Variants in IGFBP7 observed in about 807,000 individuals in gnomAD.
IGFBP7 encodes the protein insulin-like growth factor-binding protein 7.
A neutral mutation model predicts 29.4 loss-of-function variants in IGFBP7; 31 were observed. That is an observed-to-expected ratio of 1.05 (90% CI 0.79 to 1.42). The LOEUF is 1.42. Ranked by LOEUF, IGFBP7 falls within the 40% of genes most tolerant of loss-of-function variation. IGFBP7 has a pLI of 0.00. For missense variants in IGFBP7, 393 were observed against 395.5 expected, an observed-to-expected ratio of 0.99 and a Z score of 0.05; for synonymous variants, 172 against 174.9, an observed-to-expected ratio of 0.98 and a Z score of 0.13.
intron 1 of IGFBP7, among the ~76,000 whole-genome samples, chr4:57,057,358 G>T (rs1173268232): frequency 6.6e-6 from 1 of 152,204 alleles, no homozygotes; most frequent in Admixed American, 6.5e-5. Context: ...CAAGGACTGG[G>T]AGAAACTACA....
intron 1 of IGFBP7, among the ~76,000 whole-genome samples, chr4:57,077,813 A>G (rs1393197082): frequency 2.6e-5 from 4 of 152,138 alleles, no homozygotes; most frequent in Non-Finnish European, 5.9e-5. Context: ...TGGCTAAATG[A>G]CTTAACGGTT....
intron 1 of IGFBP7, chr4:57,073,145 A>G (rs1186907945): frequency 6.3e-7 from 1 of 1,592,138 alleles, no homozygotes; most frequent in Non-Finnish European, 8.6e-7. Context: ...CAGGCTGCCC[A>G]GCCTGTCCTT....
intron 1 of IGFBP7, among the ~76,000 whole-genome samples, chr4:57,076,743 C>G (rs11573050): frequency 0.045 from 6,812 of 152,246 alleles, 482 homozygotes; most frequent in African/African-American, 0.15. Context: ...GAAGCCATGT[C>G]AGAGAATGAG....
At chr4:57,066,041 A>ATAC (rs1426357849) in intron 1 of IGFBP7, among the ~76,000 whole-genome samples, 5 of 152,238 alleles carry the variant, frequency 3.3e-5, no homozygotes, top group Non-Finnish European at 2.9e-5. Context: ...TCACTAGAGT[A>ATAC]TCTGGTTAAG....
chr4:57,082,439 G>T (rs777127898), intron 1 of IGFBP7, among the ~76,000 whole-genome samples: 83 of 152,118 alleles, frequency 5.5e-4, no homozygotes, highest in Non-Finnish European at 1.5e-4. Context: ...TTAGGGAAAG[G>T]TTAATGATGA....
intron 1 of IGFBP7, among the ~76,000 whole-genome samples, chr4:57,096,645 A>G (rs551092538): frequency 2.6e-5 from 4 of 152,250 alleles, no homozygotes; most frequent in Non-Finnish European, 4.4e-5. Flanking sequence ...TGTTCTGCCA[A>G]TTTCACTCAA....
intron 2 of IGFBP7, among the ~76,000 whole-genome samples, chr4:57,035,647 G>A (rs1319838716): frequency 6.6e-6 from 1 of 152,012 alleles, no homozygotes; most frequent in African/African-American, 2.4e-5. Flanking sequence ...TTTTAGTAGA[G>A]ACGGGGTTTT....
intron 1 of IGFBP7, chr4:57,065,519 C>G (rs1724897726): frequency 6.6e-6 from 1 of 152,212 alleles, no homozygotes; most frequent in Admixed American, 6.5e-5. Flanking sequence ...AAAATGCCAA[C>G]AGGCAAACAC....
rs1199557350 is a variant in IGFBP7, at chr4:57,110,135, C to G, written c.217G>C (p.Gly73Arg). ...CAGTACCCCCTGCCGGCGCCGCCACCCCCGCACGGCTCGCCCTCGCCGCGG... is the reference window on the plus strand; with the variant it reads ...CAGTACCCCCTGCCGGCGCCGCCACGCCCGCACGGCTCGCCCTCGCCGCGG... ...CARGEGEPCG[G>R]GGAGRGYCAP... Residue 73 changes from glycine to arginine, a missense_variant, in exon 1 of 5, where the codon GGT becomes CGT. Transcript: ENST00000295666. 7 of 1,494,082 alleles carry G rather than the reference C, an allele frequency of 4.7e-6. No individual in the cohort carries two copies. The Admixed American group carries it at 1.1e-4, about 24-fold the overall frequency. The allele number at this position is 1,494,082 out of a possible 1,614,324, so 92.6% of individuals were successfully genotyped here. A position where few individuals can be genotyped will look rare whatever the true frequency, so the allele number is the denominator to read the frequency against.
intron 1 of IGFBP7, among the ~76,000 whole-genome samples, chr4:57,048,207 A>T (rs1578614459): frequency 6.7e-6 from 1 of 149,108 alleles, no homozygotes; most frequent in South Asian, 2.1e-4. Flanking sequence ...ATCCACCACC[A>T]CTCCCGGCTA....
chr4:57,097,140 G>C (rs1725780998), intron 1 of IGFBP7, among the ~76,000 whole-genome samples: 1 of 152,136 alleles, frequency 6.6e-6, no homozygotes, highest in Admixed American at 6.5e-5. Context: ...GAATATCCAG[G>C]GAGGAGAGAG....
chr4:57,086,877 G>T (rs1436030737), intron 1 of IGFBP7, among the ~76,000 whole-genome samples: 1 of 152,120 alleles, frequency 6.6e-6, no homozygotes, highest in Non-Finnish European at 1.5e-5. Context: ...GGGATTACAG[G>T]CACATACCAC....
At chr4:57,058,986 A>G (rs147758415) in intron 1 of IGFBP7, among the ~76,000 whole-genome samples, 18,241 of 152,246 alleles carry the variant, frequency 0.12, 1,207 homozygotes, top group Middle Eastern at 0.21. Context: ...CAATAAGCAT[A>G]TGAAAAAAAG....
intron 1 of IGFBP7, among the ~76,000 whole-genome samples, chr4:57,079,073 C>T (rs1725299329): frequency 6.6e-6 from 1 of 152,176 alleles, no homozygotes; most frequent in South Asian, 2.1e-4. Context: ...AGAAAAATGA[C>T]CTTGCTGTCT....
At chr4:57,082,539 A>C (rs935996808) in intron 1 of IGFBP7, among the ~76,000 whole-genome samples, 1 of 152,202 alleles carries the variant, frequency 6.6e-6, no homozygotes, top group Non-Finnish European at 1.5e-5. Context: ...GAAGGAAAGA[A>C]AAGAACCTTC....
chr4:57,033,317 A>G lies in IGFBP7; in HGVS notation c.586-6T>C, dbSNP rs964245288. ...CCATAGTGACCCCTTTTTACCTGCA[A>G]AAACAAAAGGAGAGTAATACTGAGT... On this transcript the variant is annotated splice_polypyrimidine_tract_variant and splice_region_variant and intron_variant, in intron 2 of 4. Transcript: ENST00000295666. The G allele has an allele frequency of 2.5e-6, 4 of 1,587,134 alleles. No individual in the cohort carries two copies. The highest frequency in any genetic ancestry group is 2.6e-6 in the Non-Finnish European group (3 of 1,155,530).
chr4:57,031,031 C>A lies in IGFBP7; in HGVS notation c.*286G>T. ...ACAAGATAATTAAATATCTTGGTGT[C>A]TTGTTTCTATTGTGTGGCTTTTTAA... On this transcript the variant is annotated 3_prime_UTR_variant, in exon 5 of 5. Coordinates refer to ENST00000295666, the MANE Select transcript of IGFBP7 (RefSeq NM_001553.3). 2 of 1,179,606 alleles carry A rather than the reference C, an allele frequency of 1.7e-6. No individual in the cohort carries two copies. The highest frequency in any genetic ancestry group is 1.2e-5 in the South Asian group (1 of 81,844). The allele number at this position is 1,179,606 out of a possible 1,614,324, so 73.1% of individuals were successfully genotyped here.
Position 57,033,250 on chromosome 4 carries a change from A to G in IGFBP7, c.647T>C (p.Leu216Pro), listed in dbSNP as rs1462113745. 3.1e-6 allele frequency: 5 copies of G among 1,614,064 alleles called. No individual in the cohort carries two copies. In the Admixed American group the frequency reaches 6.7e-5, roughly 22 times the overall value. The change falls in exon 3 of 5, where the codon CTG becomes CCG. Residue 216 changes from leucine (L) to proline (P), a missense_variant. Leu to Pro is a moderately conservative substitution (Grantham distance 98). Transcript: ENST00000295666. ...TGGGCCACCCCGGGTCTGAATGGCC[A>G]GGTTGTCCCGGTCACCAGGCAGGAG... ...TELLPGDRDN[L>P]AIQTRGGPEK...
intron 1 of IGFBP7, among the ~76,000 whole-genome samples, chr4:57,097,189 A>C (rs1725781614): frequency 6.6e-6 from 1 of 152,238 alleles, no homozygotes; most frequent in African/African-American, 2.4e-5. Flanking sequence ...CTGAATTCAA[A>C]ATGATTCTAT....
Sources: gnomAD v4.1 joint callset for allele counts (sites outside exome capture counted in the v4.1 genomes callset) on GRCh38, gnomAD v4.1.1 for gene constraint, MANE v1.5 for transcripts, NCBI Gene and HGNC (gene_info 2026-07-23, HGNC 2026-07-21) for gene names.